PPM1D: variants seen among roughly 807,000 people sequenced by gnomAD.
PPM1D encodes protein phosphatase 1D.
In PPM1D, 52 loss-of-function variants were observed where a neutral mutation model predicts 58.3. The observed-to-expected ratio is 0.89, with a 90% CI of 0.71 to 1.12. The LOEUF (loss-of-function observed/expected upper bound fraction) is 1.12. Among genes scored for constraint, PPM1D ranks in the 50% most tolerant of loss-of-function variants. PPM1D has a pLI of 0.00. For synonymous variants in PPM1D, 278 were observed against 285.1 expected, an observed-to-expected ratio of 0.98 and a Z score of 0.25; for missense variants, 564 against 777.2, an observed-to-expected ratio of 0.73 and a Z score of 3.26.
intron 3 of PPM1D, among the ~76,000 whole-genome samples, chr17:60,639,444 CTT>C (rs773448030): frequency 1.4e-5 from 2 of 142,650 alleles, no homozygotes; most frequent in Non-Finnish European, 1.5e-5. Flanking sequence ...TCTTCTTCTT[CTT>C]TTTTTTTTTG....
At chr17:60,629,839 A>G (rs1009096926) in intron 2 of PPM1D, among the ~76,000 whole-genome samples, 1 of 152,164 alleles carries the variant, frequency 6.6e-6, no homozygotes, top group Non-Finnish European at 1.5e-5. Context: ...GGAGTTCGAG[A>G]CAAGCCGGGC....
At chr17:60,615,877 T>G (rs1408905643) in intron 1 of PPM1D, among the ~76,000 whole-genome samples, 1 of 152,008 alleles carries the variant, frequency 6.6e-6, no homozygotes, top group Admixed American at 6.6e-5. Context: ...GTATAGTAGC[T>G]ATTCACGGGT....
At chr17:60,655,566 C>T (rs1255269386) in intron 4 of PPM1D, among the ~76,000 whole-genome samples, 2 of 152,168 alleles carry the variant, frequency 1.3e-5, no homozygotes, top group Non-Finnish European at 2.9e-5. Context: ...TCAGGCTGGC[C>T]TTGAATTCCT....
intron 1 of PPM1D, among the ~76,000 whole-genome samples, chr17:60,610,241 G>C (rs1304220555): frequency 6.6e-6 from 1 of 151,878 alleles, no homozygotes; most frequent in Non-Finnish European, 1.5e-5. Flanking sequence ...ATAGGATTTG[G>C]TACTATCCAA....
intron 4 of PPM1D, among the ~76,000 whole-genome samples, chr17:60,648,955 G>A (rs984940997): frequency 2.0e-5 from 3 of 151,484 alleles, no homozygotes; most frequent in African/African-American, 7.3e-5. Flanking sequence ...AGTAGAGATG[G>A]GGTTTCATCA....
At chr17:60,626,371 CAAT>C (rs2030807621) in intron 2 of PPM1D, among the ~76,000 whole-genome samples, 1 of 151,264 alleles carries the variant, frequency 6.6e-6, no homozygotes, top group East Asian at 1.9e-4. Flanking sequence ...AGAGGTGTCT[CAAT>C]GATGTGTTTT....
chr17:60,645,259 C>A (rs1051815190), intron 3 of PPM1D, among the ~76,000 whole-genome samples: 2 of 151,952 alleles, frequency 1.3e-5, no homozygotes, highest in South Asian at 4.1e-4. Context: ...GAGGCTGAGG[C>A]AGGAGAATCA....
chr17:60,606,468 C>G (rs932824291), intron 1 of PPM1D, among the ~76,000 whole-genome samples: 3 of 152,088 alleles, frequency 2.0e-5, no homozygotes, highest in African/African-American at 4.8e-5. Flanking sequence ...TAAGGACTTG[C>G]CAAACTGTTT....
chr17:60,663,352 G>A lies in PPM1D; in HGVS notation c.1618G>A (p.Glu540Lys), dbSNP rs751126916. Residue 540 changes from glutamate to lysine, a missense_variant, in exon 6 of 6, where the codon GAG becomes AAG. Coordinates refer to ENST00000305921, the MANE Select transcript of PPM1D (RefSeq NM_003620.4). Reference protein sequence around the residue: ...PPTNFKRTLEESNSGPLMKKH... With the variant: ...PPTNFKRTLEKSNSGPLMKKH... Reference sequence around the variant, plus strand: ...AACAAACTTTAAAAGGACATTAGAAGAGTCCAATTCTGGCCCCCTGATGAA... The same window carrying A: ...AACAAACTTTAAAAGGACATTAGAAAAGTCCAATTCTGGCCCCCTGATGAA... 1 of 1,614,050 alleles carries A rather than the reference G, an allele frequency of 6.2e-7. No individual in the cohort carries two copies. The highest frequency in any genetic ancestry group is 1.7e-5 in the Admixed American group (1 of 59,998).
At chr17:60,609,667 C>T (rs2030414115) in intron 1 of PPM1D, among the ~76,000 whole-genome samples, 1 of 152,106 alleles carries the variant, frequency 6.6e-6, no homozygotes, top group Non-Finnish European at 1.5e-5. Flanking sequence ...CTGTTAGTCA[C>T]TTAGTAGCTT....
intron 2 of PPM1D, among the ~76,000 whole-genome samples, chr17:60,632,766 G>A (rs1419124471): frequency 1.3e-5 from 2 of 152,190 alleles, no homozygotes; most frequent in African/African-American, 4.8e-5. Flanking sequence ...TCAAGAGTTC[G>A]AGACCAGCCT....
Position 60,623,687 on chromosome 17 carries a change from G to A in PPM1D, c.639G>A (p.Val213=). Residue 213 remains valine (V), a synonymous_variant, in exon 2 of 6, where the codon GTG becomes GTA. Transcript: ENST00000305921. ...ATGACTTTGTCAGAGCTGTGGAGGT[G>A]ACACAGGACCATAAGCCAGAACTTC... ...PKDDFVRAVE[V]TQDHKPELPK... is the part of the protein sequence containing the mutation. The A allele has an allele frequency of 1.9e-6, 3 of 1,614,194 alleles. No individual in the cohort carries two copies. The highest frequency in any genetic ancestry group is 2.2e-5 in the South Asian group (2 of 91,082).
Position 60,600,320 on chromosome 17 carries a change from A to G in PPM1D, c.-95A>G. The G allele has an allele frequency of 6.8e-7, 1 of 1,480,300 alleles. No homozygotes were observed. Among genetic ancestry groups the G allele is most frequent in the Non-Finnish European group, 8.9e-7 (1 of 1,120,684 alleles). 91.7% of individuals were successfully genotyped at this position (1,480,300 alleles called of 1,614,324 possible). A position where few individuals can be genotyped will look rare whatever the true frequency, so the allele number is the denominator to read the frequency against. On this transcript the variant is annotated 5_prime_UTR_variant, in exon 1 of 6. Coordinates refer to ENST00000305921, the MANE Select transcript of PPM1D (RefSeq NM_003620.4). ...CCCTCCCCCTTCTCGGCGTCGTCGA[A>G]GATAAACAATAGTTGGCCGGCGAGC...
intron 1 of PPM1D, among the ~76,000 whole-genome samples, chr17:60,621,068 G>A (rs1457011720): frequency 2.6e-5 from 4 of 151,254 alleles, no homozygotes; most frequent in Admixed American, 1.3e-4. Context: ...GATTACAGGC[G>A]CACACCACCA....
intron 2 of PPM1D, among the ~76,000 whole-genome samples, chr17:60,633,602 A>G (rs558487336): frequency 1.7e-3 from 249 of 147,608 alleles, no homozygotes; most frequent in African/African-American, 5.9e-3. Flanking sequence ...TGGTATTTAT[A>G]CTTACTTTTC....
At chr17:60,628,610 A>G (rs1164671771) in intron 2 of PPM1D, among the ~76,000 whole-genome samples, 1 of 152,206 alleles carries the variant, frequency 6.6e-6, no homozygotes, top group Admixed American at 6.5e-5. Flanking sequence ...TATAGTATGT[A>G]GCCCCTATGC....
At chr17:60,616,192 G>A (rs2030580380) in intron 1 of PPM1D, among the ~76,000 whole-genome samples, 1 of 150,622 alleles carries the variant, frequency 6.6e-6, no homozygotes, top group South Asian at 2.1e-4. Flanking sequence ...GGAAGCTGAG[G>A]CACAAGAATT....
At chr17:60,607,662 A>G (rs1440343133) in intron 1 of PPM1D, among the ~76,000 whole-genome samples, 2 of 152,214 alleles carry the variant, frequency 1.3e-5, no homozygotes, top group African/African-American at 2.4e-5. Flanking sequence ...TAATGTTTTC[A>G]TTGTCCCTTC....
chr17:60,645,703 G>A (rs1312702461), intron 3 of PPM1D, among the ~76,000 whole-genome samples: 1 of 146,148 alleles, frequency 6.8e-6, no homozygotes, highest in South Asian at 2.2e-4. Context: ...TAGGTAGATA[G>A]GTATCTCCAG....
Sources: allele counts gnomAD v4.1 joint callset (sites outside exome capture counted in the v4.1 genomes callset), GRCh38; gene constraint gnomAD v4.1.1; transcripts MANE v1.5; gene names NCBI Gene and HGNC (gene_info 2026-07-23, HGNC 2026-07-21).